SRPK2: variants seen among roughly 807,000 people sequenced by gnomAD.
SRPK2 encodes SRSF protein kinase 2, also known as SFRS protein kinase 2.
Under a neutral mutation model 90.8 loss-of-function variants are expected in SRPK2, and 21 were observed. The ratio of observed to expected loss-of-function variants is 0.23; its 90% CI spans 0.16 to 0.33. SRPK2 has a LOEUF of 0.33. SRPK2 is among the 10% of genes least tolerant of loss of function. The pLI is 1.00. For synonymous variants in SRPK2, 288 were observed against 311.1 expected (o/e 0.93, Z 0.78); for missense variants, 620 against 869.0 (o/e 0.71, Z 3.60).
intron 2 of SRPK2, among the ~76,000 whole-genome samples, chr7:105,323,995 G>GTGTGTA (rs1554509949): frequency 7.6e-4 from 112 of 147,844 alleles, no homozygotes; most frequent in South Asian, 1.3e-3. Context: ...GTGTGTGTGT[G>GTGTGTA]TGTGTGTGTG....
chr7:105,276,089 T>A (rs541871416), intron 2 of SRPK2, among the ~76,000 whole-genome samples: 4 of 152,084 alleles, frequency 2.6e-5, no homozygotes, highest in Admixed American at 1.3e-4. Flanking sequence ...TATATATTTT[T>A]TTTTTTTAGA....
chr7:105,122,835 ACT>A (rs1189846933), intron 15 of SRPK2, among the ~76,000 whole-genome samples: 6 of 147,706 alleles, frequency 4.1e-5, no homozygotes, highest in South Asian at 2.2e-4. Flanking sequence ...GCACACAATC[ACT>A]CTCTTTTATC....
At chr7:105,234,651 G>A (rs888035844) in intron 2 of SRPK2, among the ~76,000 whole-genome samples, 3 of 152,100 alleles carry the variant, frequency 2.0e-5, no homozygotes, top group Admixed American at 6.6e-5. Context: ...CAAAGCCCAG[G>A]ATCTTAAGCA....
intron 3 of SRPK2, among the ~76,000 whole-genome samples, chr7:105,195,326 G>A (rs909811067): frequency 2.0e-5 from 3 of 152,256 alleles, no homozygotes; most frequent in African/African-American, 7.2e-5. Context: ...TGGGATTACA[G>A]GCGTGGGCCA....
At chr7:105,186,929 T>C (rs1793653409) in intron 3 of SRPK2, among the ~76,000 whole-genome samples, 1 of 152,210 alleles carries the variant, frequency 6.6e-6, no homozygotes. Flanking sequence ...TTTATCTTTC[T>C]AGCCCAGGGG....
chr7:105,167,591 A>C, intron 5 of SRPK2, 127 bp from the exon 6 acceptor site: 1 of 518,786 alleles, frequency 1.9e-6, no homozygotes, highest in Non-Finnish European at 3.2e-6. Flanking sequence ...AAGTTATAAA[A>C]AATAAACTTT....
At chr7:105,241,702 C>A (rs1781452703) in intron 2 of SRPK2, among the ~76,000 whole-genome samples, 1 of 152,130 alleles carries the variant, frequency 6.6e-6, no homozygotes. Context: ...ACAATCTATT[C>A]CTTTACAGGA....
chr7:105,260,233 G>A (rs1242605367), intron 2 of SRPK2, among the ~76,000 whole-genome samples: 1 of 152,166 alleles, frequency 6.6e-6, no homozygotes, highest in African/African-American at 2.4e-5. Context: ...GATATGAACA[G>A]ACACTTCTCA....
intron 3 of SRPK2, among the ~76,000 whole-genome samples, chr7:105,186,465 A>G (rs1369937519): frequency 6.6e-6 from 1 of 152,184 alleles, no homozygotes; most frequent in East Asian, 1.9e-4. Context: ...TCAGTTTCTA[A>G]GTTTTTTCAC....
chr7:105,160,677 G>A, intron 6 of SRPK2, 64 bp from the exon 7 acceptor site: 1 of 897,564 alleles, frequency 1.1e-6, no homozygotes, highest in Non-Finnish European at 1.9e-6. Flanking sequence ...ATTGAAAGCA[G>A]CACCATTGTG....
intron 5 of SRPK2, 95 bp downstream of exon 5, chr7:105,167,913 A>C (rs1790296161): frequency 1.8e-6 from 2 of 1,108,676 alleles, no homozygotes; most frequent in Non-Finnish European, 2.6e-6. Flanking sequence ...GCCCAGCCAA[A>C]CTTGACTTTA....
At chr7:105,176,217 A>C (rs1161503666) in intron 3 of SRPK2, among the ~76,000 whole-genome samples, 1 of 152,232 alleles carries the variant, frequency 6.6e-6, no homozygotes. Flanking sequence ...TATGCTAAAA[A>C]AGAAAATCTA....
chr7:105,369,296 G>A (rs889963495), intron 2 of SRPK2, among the ~76,000 whole-genome samples: 7 of 151,996 alleles, frequency 4.6e-5, no homozygotes, highest in African/African-American at 1.7e-4. Context: ...ACAGGAGCAT[G>A]CAACCAGGCC....
chr7:105,119,778 C>T (rs1800063841), intron 15 of SRPK2, among the ~76,000 whole-genome samples: 1 of 152,128 alleles, frequency 6.6e-6, no homozygotes, highest in African/African-American at 2.4e-5. Flanking sequence ...GGAGATAAAC[C>T]CTGGTTGCAC....
At chr7:105,389,340 C>T, upstream of SRPK2, 1 of 1,278,536 alleles carries the variant, frequency 7.8e-7, no homozygotes, top group Non-Finnish European at 1.0e-6. Flanking sequence ...CTCTTCTCTC[C>T]CTTTGCTCCT....
chr7:105,319,954 G>A (rs1220538455), intron 2 of SRPK2, among the ~76,000 whole-genome samples: 4 of 150,942 alleles, frequency 2.7e-5, no homozygotes, highest in Non-Finnish European at 5.9e-5. Context: ...CCCGACTCGC[G>A]AATTGTTCAC....
intron 2 of SRPK2, among the ~76,000 whole-genome samples, chr7:105,307,918 T>C (rs911479125): frequency 2.0e-5 from 3 of 152,340 alleles, no homozygotes; most frequent in Non-Finnish European, 4.4e-5. Context: ...GAAATTCAAA[T>C]TACTTTCTAT....
At chr7:105,275,984 C>G (rs1806429417) in intron 2 of SRPK2, among the ~76,000 whole-genome samples, 1 of 152,162 alleles carries the variant, frequency 6.6e-6, no homozygotes, top group African/African-American at 2.4e-5. Flanking sequence ...GGGAATCATT[C>G]TGGCAAATTT....
intron 2 of SRPK2, among the ~76,000 whole-genome samples, chr7:105,384,660 T>A (rs1030340175): frequency 1.3e-5 from 2 of 152,172 alleles, no homozygotes; most frequent in African/African-American, 4.8e-5. Context: ...TCAAGAGACC[T>A]GAATTCTGAT....
Sources: allele counts gnomAD v4.1 joint callset (sites outside exome capture counted in the v4.1 genomes callset), GRCh38; gene constraint gnomAD v4.1.1; transcripts MANE v1.5; gene names NCBI Gene and HGNC (gene_info 2026-07-23, HGNC 2026-07-21).